CYSLTR2: variants seen among roughly 807,000 people sequenced by gnomAD.
CYSLTR2 encodes the protein G-protein coupled receptor GPCR21.
For synonymous variants in CYSLTR2, 179 were observed against 160.8 expected (o/e 1.11, Z -0.86); for missense variants, 398 against 411.9 (o/e 0.97, Z 0.29).
At chr13:48,677,982 G>A (rs573482083) in intron 1 of CYSLTR2, among the ~76,000 whole-genome samples, 31 of 150,682 alleles carry the variant, frequency 2.1e-4, no homozygotes, top group African/African-American at 6.6e-4. Flanking sequence ...AGCTCTTCTC[G>A]TGCCTCAGCC....
intron 1 of CYSLTR2, among the ~76,000 whole-genome samples, chr13:48,674,482 G>C (rs1349637191): frequency 6.6e-6 from 1 of 152,126 alleles, no homozygotes; most frequent in Non-Finnish European, 1.5e-5. Context: ...GGTCTTTTAT[G>C]TTCTGCTCTA....
chr13:48,683,057 T>A (rs1953799986), intron 1 of CYSLTR2, among the ~76,000 whole-genome samples: 1 of 152,184 alleles, frequency 6.6e-6, no homozygotes, highest in South Asian at 2.1e-4. Context: ...AAGGACACGA[T>A]CTCATTCTTT....
At chr13:48,663,112 A>G (rs964486471) in intron 1 of CYSLTR2, among the ~76,000 whole-genome samples, 12 of 152,008 alleles carry the variant, frequency 7.9e-5, no homozygotes, top group African/African-American at 1.9e-4. Context: ...CTTTTCCCCA[A>G]TGAGTATTCT....
At chr13:48,690,495 G>T (rs1196933052) in intron 1 of CYSLTR2, among the ~76,000 whole-genome samples, 3 of 152,092 alleles carry the variant, frequency 2.0e-5, no homozygotes, top group Non-Finnish European at 2.9e-5. Flanking sequence ...GGCCTTTTCT[G>T]CATCTATTAA....
At chr13:48,699,038 T>C (rs1954271111) in intron 4 of CYSLTR2, among the ~76,000 whole-genome samples, 1 of 152,174 alleles carries the variant, frequency 6.6e-6, no homozygotes, top group South Asian at 2.1e-4. Context: ...CTTAGAGACC[T>C]ACAAAGAGAC....
chr13:48,684,473 G>C (rs1052764252), intron 1 of CYSLTR2, among the ~76,000 whole-genome samples: 1 of 151,700 alleles, frequency 6.6e-6, no homozygotes, highest in African/African-American at 2.4e-5. Context: ...GTGAATGTGA[G>C]AGTTTATGTC....
chr13:48,672,616 C>CTTTTTT (rs71076039), intron 1 of CYSLTR2, among the ~76,000 whole-genome samples: 56 of 120,090 alleles, frequency 4.7e-4, no homozygotes, highest in Non-Finnish European at 8.0e-4. Flanking sequence ...CTTTTCTTTT[C>CTTTTTT]TTTTTTTTTT....
At chr13:48,693,327 T>C (rs1271868408) in intron 2 of CYSLTR2, 111 bp from the exon 3 acceptor site, 1 of 152,062 alleles carries the variant, frequency 6.6e-6, no homozygotes, top group Non-Finnish European at 1.5e-5. Context: ...TTAACTTATA[T>C]ATAATGCCTT....
chr13:48,673,663 T>A (rs1953513510), intron 1 of CYSLTR2, among the ~76,000 whole-genome samples: 1 of 152,154 alleles, frequency 6.6e-6, no homozygotes, highest in Admixed American at 6.5e-5. Context: ...GATCCTGTTA[T>A]TATGATGCCA....
At chr13:48,655,004 C>T (rs1952968219) in intron 1 of CYSLTR2, among the ~76,000 whole-genome samples, 1 of 152,156 alleles carries the variant, frequency 6.6e-6, no homozygotes, top group African/African-American at 2.4e-5. Flanking sequence ...TTCAACACTA[C>T]ATAAATAATG....
chr13:48,675,749 T>C (rs1032292395), intron 1 of CYSLTR2, among the ~76,000 whole-genome samples: 1 of 152,080 alleles, frequency 6.6e-6, no homozygotes, highest in Non-Finnish European at 1.5e-5. Flanking sequence ...AGCCAAGTTT[T>C]GTGGTTGAAA....
At chr13:48,703,390 G>T (rs553739780) in intron 4 of CYSLTR2, among the ~76,000 whole-genome samples, 8 of 152,212 alleles carry the variant, frequency 5.3e-5, no homozygotes, top group African/African-American at 1.9e-4. Context: ...TCCTTGCATT[G>T]CTCCTGATCT....
At chr13:48,683,811 AG>A (rs1953823588) in intron 1 of CYSLTR2, among the ~76,000 whole-genome samples, 1 of 152,198 alleles carries the variant, frequency 6.6e-6, no homozygotes, top group Admixed American at 6.5e-5. Context: ...TTTGCCAGAC[AG>A]GGAACTAATT....
rs544283149 is a variant in CYSLTR2, at chr13:48,706,322, T to C, written c.-1-495T>C. On this transcript the variant is annotated intron_variant, in intron 4 of 4. Transcript: ENST00000682523. ...AGTCATTCTTTTAAGATAGGTCTGCTGGCAGCAAAGTCTTAGTTTTCCGTC... is the reference window on the plus strand; with the variant it reads ...AGTCATTCTTTTAAGATAGGTCTGCCGGCAGCAAAGTCTTAGTTTTCCGTC... Among the ~76,000 whole-genome samples, 12 of 152,370 alleles carry C rather than the reference T, an allele frequency of 7.9e-5. 1 individual carries two copies. In the South Asian group the frequency reaches 2.3e-3, roughly 29 times the overall value.
rs970822529 is a variant in CYSLTR2, at chr13:48,710,452, A to G, written c.*2594A>G. On this transcript the variant is annotated 3_prime_UTR_variant, in exon 5 of 5. Transcript: ENST00000682523. ...CTTGTGTTAAAGTCACTCTTATTTTACTTACTAATGTCCCCAAAGCATAAG... is the reference window on the plus strand; with the variant it reads ...CTTGTGTTAAAGTCACTCTTATTTTGCTTACTAATGTCCCCAAAGCATAAG... 1 of 152,196 alleles carries G rather than the reference A, an allele frequency of 6.6e-6. No individual in the cohort carries two copies. The highest frequency in any genetic ancestry group is 6.5e-5 in the Admixed American group (1 of 15,282). The allele number at this position is 152,196 out of a possible 1,614,324, so 9.4% of individuals were successfully genotyped here. A position where few individuals can be genotyped will look rare whatever the true frequency, so the allele number is the denominator to read the frequency against.
intron 1 of CYSLTR2, among the ~76,000 whole-genome samples, chr13:48,672,694 T>TTTCA: frequency 6.7e-6 from 1 of 149,312 alleles, no homozygotes; most frequent in East Asian, 2.0e-4. Flanking sequence ...TTCAGCTCAC[T>TTTCA]GCAACCTCCG....
intron 1 of CYSLTR2, among the ~76,000 whole-genome samples, chr13:48,659,744 C>T (rs550655470): frequency 2.6e-5 from 4 of 152,286 alleles, no homozygotes; most frequent in African/African-American, 9.6e-5. Flanking sequence ...ATCAGAGACT[C>T]AGATAAAAAA....
chr13:48,676,829 C>G lies in CYSLTR2; in HGVS notation c.-265-14383C>G, dbSNP rs117524516. On this transcript the variant is annotated intron_variant, in intron 1 of 4. Coordinates refer to ENST00000682523, the MANE Select transcript of CYSLTR2 (RefSeq NM_001308476.3). ...ATTTGTAAAATAGAGATAACAATGC[C>G]AATTTAGCCTGTCTCAAGGATAGCT... 6.6e-3 allele frequency among the ~76,000 whole-genome samples: 1,007 copies of G among 152,306 alleles called. 17 individuals carry two copies. The highest frequency in any genetic ancestry group is 4.8e-3 in the Non-Finnish European group (327 of 68,034).
intron 1 of CYSLTR2, 93 bp downstream of exon 1, chr13:48,654,110 A>C (rs1952937950): frequency 6.6e-6 from 1 of 152,108 alleles, no homozygotes; most frequent in African/African-American, 2.4e-5. Flanking sequence ...TTTAAAAGTA[A>C]ATTTGTTTTG....
Sources: gnomAD v4.1 joint callset for allele counts (sites outside exome capture counted in the v4.1 genomes callset) on GRCh38, gnomAD v4.1.1 for gene constraint, MANE v1.5 for transcripts, NCBI Gene and HGNC (gene_info 2026-07-23, HGNC 2026-07-21) for gene names.